AXL: variants seen among roughly 807,000 people sequenced by gnomAD.
AXL encodes the protein tyrosine-protein kinase receptor UFO.
A neutral mutation model predicts 104.5 loss-of-function variants in AXL; 52 were observed. The ratio of observed to expected loss-of-function variants is 0.50; its 90% CI spans 0.40 to 0.63. The LOEUF is 0.63. Among genes scored for constraint, AXL ranks in the 20% least tolerant of loss-of-function variants. AXL has a pLI of 0.00. For synonymous variants in AXL, 455 were observed against 473.7 expected (o/e 0.96, Z 0.51); for missense variants, 1,024 against 1,188.5 (o/e 0.86, Z 2.04).
At chr19:41,248,721 G>A (rs1273725172) in intron 13 of AXL, 22 bp from the exon 14 acceptor site, 1 of 1,613,984 alleles carries the variant, frequency 6.2e-7, no homozygotes, top group Admixed American at 1.7e-5. Flanking sequence ...TGAGGTCAGT[G>A]TCTCCCTCTG....
At chr19:41,252,588 G>C (rs1399758102) in intron 15 of AXL, 145 bp downstream of exon 15, 1 of 1,084,258 alleles carries the variant, frequency 9.2e-7, no homozygotes, top group Non-Finnish European at 1.3e-6. Context: ...CCCCCTCCTA[G>C]TCTCCCTCAG....
rs2034117666 is a variant in AXL, at chr19:41,238,257, C to T, written c.994+103C>T. On this transcript the variant is annotated intron_variant, in intron 7 of 19. Transcript: ENST00000301178. The stretch of plus-strand genomic sequence containing the variant: ...CTTTCACTCCTTTACCCCTCATGGC[C>T]TCAATCTCCTTCCCATCCAATCTCT... 5 of 1,457,118 alleles carry T rather than the reference C, an allele frequency of 3.4e-6. No individual in the cohort carries two copies. In the African/African-American group the frequency reaches 5.6e-5, roughly 16 times the overall value. 90.3% of individuals were successfully genotyped at this position (1,457,118 alleles called of 1,614,324 possible).
intron 14 of AXL, among the ~76,000 whole-genome samples, chr19:41,251,017 G>A (rs1012106060): frequency 6.6e-6 from 1 of 152,170 alleles, no homozygotes; most frequent in Non-Finnish European, 1.5e-5. Context: ...AAGCAGCCTG[G>A]GCAGTTGTGA....
intron 14 of AXL, 137 bp from the exon 15 acceptor site, chr19:41,252,214 G>A (rs2034375970): frequency 3.1e-6 from 2 of 654,906 alleles, no homozygotes; most frequent in Non-Finnish European, 5.5e-6. Flanking sequence ...AAAGTGCTGA[G>A]TATGGTGCCT....
intron 4 of AXL, among the ~76,000 whole-genome samples, chr19:41,230,149 C>T (rs111212163): frequency 1.3e-5 from 2 of 150,334 alleles, no homozygotes; most frequent in African/African-American, 4.9e-5. Context: ...GTGGCTGTGT[C>T]TGTTTCTGTG....
At chr19:41,252,284 A>G (rs2034377162) in intron 14 of AXL, 67 bp from the exon 15 acceptor site, 3 of 1,219,214 alleles carry the variant, frequency 2.5e-6, no homozygotes, top group Admixed American at 3.4e-5. Context: ...ATGATGATGG[A>G]GTGGAGGTGG....
chr19:41,249,371 C>G (rs2034324038), intron 14 of AXL, among the ~76,000 whole-genome samples: 1 of 152,168 alleles, frequency 6.6e-6, no homozygotes, highest in Non-Finnish European at 1.5e-5. Flanking sequence ...GGGAGAATCA[C>G]TTGAGTCTGT....
Position 41,248,620 on chromosome 19 carries a change from C to T in AXL, c.1633+11C>T, listed in dbSNP as rs201476433. On this transcript the variant is annotated intron_variant, in intron 13 of 19. Transcript: ENST00000301178. ...AGACTCTGGGAGAGGGTGAGTCCCC[C>T]GGCAGCATACACACATCCTTCTGAA... 2.6e-5 allele frequency: 42 copies of T among 1,613,688 alleles called. No homozygotes were observed. The Middle Eastern group carries it at 4.9e-4, about 19-fold the overall frequency.
In AXL at chr19:41,238,571, G is replaced by C. The variant is rs763059327; in HGVS notation, c.1096G>C (p.Gly366Arg). ...GGCGCCCCTGCAGGGTACCCTGTTA[G>C]GGTACCGGCTGGCGTATCAAGGCCA... Reference protein sequence around the residue: ...PRAPLQGTLLGYRLAYQGQDT... With the variant: ...PRAPLQGTLLRYRLAYQGQDT... The change falls in exon 8 of 20, where the codon GGG (glycine) becomes CGG (arginine). Residue 366 changes from glycine (G) to arginine (R), a missense_variant. Gly to Arg is a moderately radical substitution (Grantham distance 125). Coordinates refer to ENST00000301178, the MANE Select transcript of AXL (RefSeq NM_021913.5). 23 of 1,613,642 alleles carry C rather than the reference G, an allele frequency of 1.4e-5. No individual in the cohort carries two copies. The highest frequency in any genetic ancestry group is 1.9e-5 in the Non-Finnish European group (22 of 1,179,698).
rs149864098 is a variant in AXL, at chr19:41,219,398, G to A, written c.6G>A (p.Ala2=). Residue 2 remains alanine, a synonymous_variant, in exon 1 of 20, where the codon GCG becomes GCA. Transcript: ENST00000301178. M[A]WRCPRMGRVP... is the part of the protein sequence containing the mutation. ...CTGAGGAAAGTTTGGCACCCATGGCGTGGCGGTGCCCCAGGATGGGCAGGG... is the reference window on the plus strand; with the variant it reads ...CTGAGGAAAGTTTGGCACCCATGGCATGGCGGTGCCCCAGGATGGGCAGGG... 33 of 1,598,256 alleles carry A rather than the reference G, an allele frequency of 2.1e-5. No individual in the cohort carries two copies. The highest frequency in any genetic ancestry group is 1.5e-4 in the South Asian group (13 of 88,208).
chr19:41,242,760 C>T, intron 10 of AXL, 123 bp from the exon 11 acceptor site: 1 of 1,281,780 alleles, frequency 7.8e-7, no homozygotes, highest in Non-Finnish European at 1.1e-6. Context: ...CCATCACACA[C>T]CTCATCAAGT....
At chr19:41,220,909 C>A (rs2122196126) in intron 2 of AXL, 51 bp downstream of exon 2, 1 of 1,585,016 alleles carries the variant, frequency 6.3e-7, no homozygotes, top group South Asian at 1.1e-5. Context: ...ACACAGAGGG[C>A]AGAAAGCCCA....
In AXL at chr19:41,220,808, G is replaced by GC; in HGVS notation, c.262dup (p.Leu88ProfsTer3). Reference sequence around the variant, plus strand: ...TCGCGGACAGCACCCAGACCCAGGTGCCCCTGGGTGAGGATGAACAGGATG... The same window carrying GC: ...TCGCGGACAGCACCCAGACCCAGGTGCCCCCTGGGTGAGGATGAACAGGATG... On this transcript the variant is annotated frameshift_variant, in exon 2 of 20. Transcript: ENST00000301178. LOFTEE classifies it high-confidence loss of function. The GC allele has an allele frequency of 6.2e-7, 1 of 1,614,100 alleles. No individual in the cohort carries two copies. Among genetic ancestry groups the GC allele is most frequent in the Non-Finnish European group, 8.5e-7 (1 of 1,180,002 alleles).
rs1043129425 is a variant in AXL at position 41,260,785 on chromosome 19, G to C, written c.*881G>C. On this transcript the variant is annotated 3_prime_UTR_variant, in exon 20 of 20. Transcript: ENST00000301178. ...TTCTAGAGTTCAGAGTCCTTAAAAT[G>C]TAAGATTATAGATTCTAAAGATTCT... is the stretch of plus-strand genomic sequence containing the variant. 6.6e-6 allele frequency: 1 copy of C among 152,120 alleles called. No homozygotes were observed. Among genetic ancestry groups the C allele is most frequent in the Non-Finnish European group, 1.5e-5 (1 of 68,028 alleles). 9.4% of individuals were successfully genotyped at this position (152,120 alleles called of 1,614,324 possible).
chr19:41,230,197 A>G (rs2033953893), intron 4 of AXL, among the ~76,000 whole-genome samples: 1 of 146,074 alleles, frequency 6.8e-6, no homozygotes, highest in South Asian at 2.2e-4. Context: ...ATGTGTTTAT[A>G]TGTGTGTGTA....
At chr19:41,240,461 T>C (rs1185135450) in intron 10 of AXL, among the ~76,000 whole-genome samples, 2 of 152,050 alleles carry the variant, frequency 1.3e-5, no homozygotes, top group African/African-American at 4.8e-5. Context: ...AGTGGATGAA[T>C]GGATGGGTAG....
At chr19:41,238,716 C>G in intron 8 of AXL, 107 bp downstream of exon 8, 2 of 1,419,880 alleles carry the variant, frequency 1.4e-6, no homozygotes, top group South Asian at 3.0e-5. Flanking sequence ...CACAATTGCT[C>G]TATGCCTAGG....
At chr19:41,228,159 TTGTCTC>T (rs1472087736) in intron 4 of AXL, among the ~76,000 whole-genome samples, 1 of 152,156 alleles carries the variant, frequency 6.6e-6, no homozygotes, top group Non-Finnish European at 1.5e-5. Context: ...TCTCTCGTGT[TTGTCTC>T]TGTAATTGTA....
At chr19:41,234,649 G>T (rs1400019922) in intron 6 of AXL, among the ~76,000 whole-genome samples, 1 of 152,236 alleles carries the variant, frequency 6.6e-6, no homozygotes, top group African/African-American at 2.4e-5. Flanking sequence ...ACCCTGACAA[G>T]TAAGAACTGT....
Sources: gnomAD v4.1 joint callset for allele counts (sites outside exome capture counted in the v4.1 genomes callset) on GRCh38, gnomAD v4.1.1 for gene constraint, MANE v1.5 for transcripts, NCBI Gene and HGNC (gene_info 2026-07-23, HGNC 2026-07-21) for gene names.